The following TRPC5 variants were observed in gnomAD, a reference collection of about 807,000 sequenced individuals.
The protein encoded by TRPC5 is transient receptor potential cation channel subfamily C member 5.
Under a neutral mutation model 56.5 loss-of-function variants are expected in TRPC5, and 9 were observed. The observed-to-expected ratio is 0.16, with a 90% confidence interval of 0.10 to 0.28. TRPC5 has a LOEUF of 0.28. Among genes scored for constraint, TRPC5 ranks in the 10% least tolerant of loss-of-function variants. TRPC5 has a pLI of 1.00. For synonymous variants in TRPC5, 282 were observed against 278.5 expected (o/e 1.01, Z -0.13); for missense variants, 469 against 748.9 (o/e 0.63, Z 4.36).
At chrX:111,881,498 A>G (rs1924218852) in intron 3 of TRPC5, among the ~76,000 whole-genome samples, 1 of 111,615 alleles carries the variant, frequency 9.0e-6, no homozygotes, top group African/African-American at 3.3e-5. Context: ...AGTTTGTTAC[A>G]AATTTGTTAC....
intron 3 of TRPC5, among the ~76,000 whole-genome samples, chrX:111,864,244 T>A (rs1923485559): frequency 8.9e-6 from 1 of 111,793 alleles, no homozygotes. Context: ...GGCCTCCACC[T>A]CCCAAAGTGC....
At chrX:112,026,967 C>A in intron 1 of TRPC5, among the ~76,000 whole-genome samples, 1 of 109,777 alleles carries the variant, frequency 9.1e-6, no homozygotes, top group African/African-American at 3.3e-5. Context: ...AAATTTGGGT[C>A]AAGGAGGACA....
intron 1 of TRPC5, among the ~76,000 whole-genome samples, chrX:111,973,993 A>G (rs1306270956): frequency 8.9e-6 from 1 of 112,047 alleles, no homozygotes; most frequent in Non-Finnish European, 1.9e-5. Context: ...TAAAGAAGTG[A>G]TGAGGAAAAT....
At chrX:111,970,058 C>A (rs940304986) in intron 1 of TRPC5, among the ~76,000 whole-genome samples, 2 of 110,777 alleles carry the variant, frequency 1.8e-5, no homozygotes, top group African/African-American at 6.6e-5. Flanking sequence ...AGTGAATAAA[C>A]TCTAGAGAAT....
chrX:111,958,187 A>T (rs1927284578), intron 1 of TRPC5, among the ~76,000 whole-genome samples: 1 of 111,618 alleles, frequency 9.0e-6, no homozygotes, highest in Non-Finnish European at 1.9e-5. Flanking sequence ...TTTCCTTCCT[A>T]TTGTATAGTT....
chrX:112,000,955 A>G (rs768126796), intron 1 of TRPC5, among the ~76,000 whole-genome samples: 1 of 112,184 alleles, frequency 8.9e-6, no homozygotes, highest in African/African-American at 3.2e-5. Flanking sequence ...GGATAATTAG[A>G]GCTAACACTT....
intron 1 of TRPC5, among the ~76,000 whole-genome samples, chrX:112,062,535 G>A (rs1930482774): frequency 8.9e-6 from 1 of 112,022 alleles, no homozygotes. Flanking sequence ...GGGTAAGGTA[G>A]AATTTGAGCT....
intron 3 of TRPC5, among the ~76,000 whole-genome samples, chrX:111,892,065 T>C: frequency 8.9e-6 from 1 of 112,131 alleles, no homozygotes; most frequent in Non-Finnish European, 1.9e-5. Flanking sequence ...CATCTTTCCA[T>C]GTGGTAAAAT....
intron 3 of TRPC5, among the ~76,000 whole-genome samples, chrX:111,906,192 T>G (rs951166493): frequency 7.5e-5 from 8 of 107,072 alleles, no homozygotes; most frequent in Non-Finnish European, 1.5e-4. Context: ...CCATCTCTAC[T>G]AAAATACAAA....
intron 1 of TRPC5, among the ~76,000 whole-genome samples, chrX:111,952,826 G>GT (rs1198749348): frequency 8.9e-6 from 1 of 111,785 alleles, no homozygotes; most frequent in Non-Finnish European, 1.9e-5. Context: ...TAAAGCTATT[G>GT]TGAGAGTTAA....
intron 1 of TRPC5, among the ~76,000 whole-genome samples, chrX:111,972,379 G>A (rs1365877346): frequency 1.2e-4 from 13 of 112,316 alleles, no homozygotes; most frequent in African/African-American, 3.9e-4. Flanking sequence ...GAGTTTTGCA[G>A]GCTAAATTAC....
At chrX:111,997,604 G>T (rs149921424) in intron 1 of TRPC5, among the ~76,000 whole-genome samples, 9 of 110,902 alleles carry the variant, frequency 8.1e-5, no homozygotes, top group African/African-American at 2.9e-4. Context: ...TGGTTCCATT[G>T]TTCCCATCAC....
At chrX:112,004,394 A>G (rs1490207760) in intron 1 of TRPC5, among the ~76,000 whole-genome samples, 1 of 111,847 alleles carries the variant, frequency 8.9e-6, no homozygotes, top group East Asian at 2.8e-4. Flanking sequence ...TAATGAAGTG[A>G]GATAGAAGAA....
chrX:111,984,270 T>C (rs1034975681), intron 1 of TRPC5, among the ~76,000 whole-genome samples: 5 of 111,587 alleles, frequency 4.5e-5, no homozygotes, highest in East Asian at 2.8e-4. Flanking sequence ...TGAAGCATCA[T>C]TGGTTCGGCT....
intron 2 of TRPC5, among the ~76,000 whole-genome samples, chrX:111,913,661 C>T (rs886923597): frequency 2.7e-5 from 3 of 111,433 alleles, no homozygotes; most frequent in African/African-American, 6.5e-5. Flanking sequence ...AAAAATCTTT[C>T]GACTTTAAAA....
In TRPC5 at chrX:111,931,350, T is replaced by C. The variant is rs12013100; in HGVS notation, c.379-18538A>G. ...ATGCATTATTTTTACAACTTCAAGA[T>C]AAACAAATGAATGTGGAGAAGGGTG... On this transcript the variant is annotated intron_variant, in intron 2 of 10. Coordinates refer to ENST00000262839, the MANE Select transcript of TRPC5 (RefSeq NM_012471.3). Among the ~76,000 whole-genome samples the C allele has an allele frequency of 3.8e-3, 431 of 112,601 alleles. 3 individuals carry two copies. The highest frequency in any genetic ancestry group is 0.013 in the African/African-American group (392 of 31,022).
chrX:111,802,851 TATTC>T (rs1921362030), intron 7 of TRPC5, among the ~76,000 whole-genome samples: 2 of 111,584 alleles, frequency 1.8e-5, no homozygotes, highest in South Asian at 3.8e-4. Flanking sequence ...TTTATTTATT[TATTC>T]ATTTATTTAT....
chrX:112,070,933 G>A (rs954009652), intron 1 of TRPC5, among the ~76,000 whole-genome samples: 1 of 111,584 alleles, frequency 9.0e-6, no homozygotes, highest in Non-Finnish European at 1.9e-5. Flanking sequence ...CTATGCACCA[G>A]GCACTGTGTT....
intron 9 of TRPC5, among the ~76,000 whole-genome samples, chrX:111,779,927 A>C (rs1945906819): frequency 8.9e-6 from 1 of 111,882 alleles, no homozygotes. Context: ...GAGGGCTATG[A>C]AGCAGAAAAT....
Sources: allele counts gnomAD v4.1 joint callset (sites outside exome capture counted in the v4.1 genomes callset), GRCh38; gene constraint gnomAD v4.1.1; transcripts MANE v1.5; gene names NCBI Gene and HGNC (gene_info 2026-07-23, HGNC 2026-07-21).